DMXL2: variants seen among roughly 807,000 people sequenced by gnomAD.
The protein encoded by DMXL2 is Dmx like 2.
DMXL2 carries 103 observed loss-of-function variants against 331.1 expected under a neutral mutation model. That is an observed-to-expected ratio of 0.31 (90% confidence interval 0.27 to 0.37). The LOEUF (loss-of-function observed/expected upper bound fraction) is 0.37, where lower values mean the gene tolerates loss of function less well. Ranked by LOEUF, DMXL2 falls within the 10% of genes least tolerant of loss-of-function variation. The probability of loss-of-function intolerance (pLI) is 1.00; values close to 1 mark genes in which losing one functional copy is unlikely to be tolerated. For missense variants in DMXL2, 3,171 were observed against 3,642.9 expected (o/e 0.87, Z 3.33); for synonymous variants, 1,281 against 1,252.1 (o/e 1.02, Z -0.49).
chr15:51,455,396 CTTTT>C (rs1307936402), intron 39 of DMXL2, among the ~76,000 whole-genome samples, 168 bp from the exon 40 acceptor site: 1 of 151,540 alleles, frequency 6.6e-6, no homozygotes, highest in East Asian at 1.9e-4. Context: ...TTCCCTGTCA[CTTTT>C]TTTTTAAATT....
At chr15:51,465,353 C>A (rs1029705313) in intron 31 of DMXL2, among the ~76,000 whole-genome samples, 5 of 152,092 alleles carry the variant, frequency 3.3e-5, no homozygotes, top group Non-Finnish European at 7.4e-5. Context: ...TCTGATCACA[C>A]CACTGCACTA....
intron 13 of DMXL2, among the ~76,000 whole-genome samples, chr15:51,535,394 T>C (rs1210998900): frequency 2.0e-5 from 3 of 152,212 alleles, no homozygotes; most frequent in Non-Finnish European, 4.4e-5. Flanking sequence ...GAGTAAAATA[T>C]GTTACAAACA....
chr15:51,536,769 T>C lies in DMXL2; in HGVS notation c.1711A>G (p.Thr571Ala), dbSNP rs766127257. Residue 571 changes from threonine (T) to alanine (A), a missense_variant, in exon 12 of 44, where the codon ACA becomes GCA. Thr to Ala is a moderately conservative substitution (Grantham distance 58, BLOSUM62 0). Coordinates refer to ENST00000560891, the MANE Select transcript of DMXL2 (RefSeq NM_001378457.1). ...AACAGCGTGTGGTGAGAATCTTTTG[T>C]CGCATTTATACAGGCATACATCATG... ...NIMMYACINA[T>A]KDSHHTLLHQ... is the part of the protein sequence containing the mutation. The C allele has an allele frequency of 6.2e-7, 1 of 1,614,032 alleles. No individual in the cohort carries two copies. Among genetic ancestry groups the C allele is most frequent in the African/African-American group, 1.3e-5 (1 of 75,020 alleles).
In DMXL2 at chr15:51,593,823, A is replaced by C. The variant is rs530501933; in HGVS notation, c.88-17642T>G. ...CCTGCTCCTGAATGACTACTGGGTA[A>C]ATAACGAAATGAAGGCAGAAATAAA... is the stretch of plus-strand genomic sequence containing the variant. On this transcript the variant is annotated intron_variant, in intron 1 of 43. Coordinates refer to ENST00000560891, the MANE Select transcript of DMXL2 (RefSeq NM_001378457.1). 1.3e-3 allele frequency among the ~76,000 whole-genome samples: 198 copies of C among 152,326 alleles called. 1 individual carries two copies. The highest frequency in any genetic ancestry group is 6.8e-3 in the Middle Eastern group (2 of 292).
At chr15:51,514,724 A>G (rs1747875384) in intron 14 of DMXL2, among the ~76,000 whole-genome samples, 165 bp from the exon 15 acceptor site, 1 of 152,088 alleles carries the variant, frequency 6.6e-6, no homozygotes, top group Non-Finnish European at 1.5e-5. Flanking sequence ...AGAATCATTA[A>G]AACTATCCTG....
intron 8 of DMXL2, among the ~76,000 whole-genome samples, chr15:51,543,329 C>G (rs1011048124): frequency 6.6e-6 from 1 of 152,148 alleles, no homozygotes; most frequent in African/African-American, 2.4e-5. Flanking sequence ...AAAATGTTAT[C>G]AATTCTTTCT....
rs367615571 is a variant in DMXL2 at position 51,500,111 on chromosome 15, T to C, written c.3113A>G (p.Asn1038Ser). 1.8e-4 allele frequency: 295 copies of C among 1,614,076 alleles called. No individual in the cohort carries two copies. The highest frequency in any genetic ancestry group is 2.4e-4 in the Non-Finnish European group (285 of 1,180,012). ...KCCMEANPEC[N>S]KSDEKEIYHW... ...ATAAATTTCTTTCTCATCACTTTTA[T>C]TACACTCTGGGTTGGCTTCCATACA... Residue 1038 changes from asparagine (N) to serine (S), a missense_variant, in exon 18 of 44, where the codon AAT becomes AGT. Transcript: ENST00000560891.
intron 1 of DMXL2, among the ~76,000 whole-genome samples, chr15:51,612,023 CTT>C (rs2054005506): frequency 1.3e-5 from 2 of 152,198 alleles, no homozygotes; most frequent in Non-Finnish European, 2.9e-5. Flanking sequence ...TGCTACCACT[CTT>C]TCTTTGGGTC....
At chr15:51,462,728 A>G in intron 33 of DMXL2, among the ~76,000 whole-genome samples, 1 of 152,204 alleles carries the variant, frequency 6.6e-6, no homozygotes, top group Non-Finnish European at 1.5e-5. Flanking sequence ...CTAAATAGCC[A>G]AACAGACTGA....
At chr15:51,457,836 G>A (rs1266720416) in intron 36 of DMXL2, 2 of 178,470 alleles carry the variant, frequency 1.1e-5, no homozygotes, top group Non-Finnish European at 2.4e-5. Flanking sequence ...TATAAAATGT[G>A]AAAGTAATTG....
At chr15:51,496,740 T>C (rs941752925) in intron 18 of DMXL2, among the ~76,000 whole-genome samples, 7 of 152,202 alleles carry the variant, frequency 4.6e-5, no homozygotes, top group African/African-American at 1.7e-4. Flanking sequence ...TGGATATTAA[T>C]AGAACTGATA....
At position 51,536,150 on chromosome 15, in the gene DMXL2, T is replaced by TA; in HGVS notation, c.2314+15dup. The TA allele has an allele frequency of 6.6e-7, 1 of 1,525,922 alleles. No individual in the cohort carries two copies. The highest frequency in any genetic ancestry group is 8.8e-7 in the Non-Finnish European group (1 of 1,138,088). 94.5% of individuals were successfully genotyped at this position (1,525,922 alleles called of 1,614,324 possible). ...TAAAAGCTTGTGTTAATTTCACAAT[T>TA]ACAATGAACACTTACCTAGACAGTA... On this transcript the variant is annotated intron_variant, in intron 12 of 43. Transcript: ENST00000560891.
chr15:51,591,073 C>T (rs1023269253), intron 1 of DMXL2, among the ~76,000 whole-genome samples: 11 of 152,098 alleles, frequency 7.2e-5, no homozygotes, highest in Non-Finnish European at 1.0e-4. Flanking sequence ...TGGGGAGTGT[C>T]GGAAAGTGGA....
chr15:51,486,026 T>A, intron 23 of DMXL2, 47 bp downstream of exon 23: 1 of 1,513,534 alleles, frequency 6.6e-7, no homozygotes, highest in Non-Finnish European at 8.9e-7. Flanking sequence ...TCAGAAAGTA[T>A]CTCTTCCTTT....
At chr15:51,539,814 A>C (rs1471899549) in intron 9 of DMXL2, among the ~76,000 whole-genome samples, 1 of 152,128 alleles carries the variant, frequency 6.6e-6, no homozygotes, top group Non-Finnish European at 1.5e-5. Context: ...ATAAATCAAA[A>C]ACTTAATCTC....
intron 27 of DMXL2, 102 bp from the exon 28 acceptor site, chr15:51,474,694 T>C: frequency 8.0e-7 from 1 of 1,252,952 alleles, no homozygotes; most frequent in Non-Finnish European, 1.1e-6. Context: ...ATTTATATTT[T>C]ACAAAATATT....
chr15:51,448,990 A>T lies in DMXL2; in HGVS notation c.9171T>A (p.Ile3057=). The T allele has an allele frequency of 6.2e-7, 1 of 1,614,096 alleles. No individual in the cohort carries two copies. Among genetic ancestry groups the T allele is most frequent in the Non-Finnish European group, 8.5e-7 (1 of 1,180,002 alleles). ...AAAAATAAAACCCCAATCTTTATAG[A>T]ATGTCAAGAATTCTGTTAGGGATGT... ...AFNIPNRILD[I]L Residue 3057 remains isoleucine (I), a synonymous_variant, in exon 44 of 44, where the codon ATT becomes ATA. Coordinates refer to ENST00000560891, the MANE Select transcript of DMXL2 (RefSeq NM_001378457.1).
chr15:51,576,468 C>A (rs1440490158), intron 1 of DMXL2, among the ~76,000 whole-genome samples: 9 of 152,104 alleles, frequency 5.9e-5, no homozygotes, highest in Non-Finnish European at 1.3e-4. Flanking sequence ...ATAAGTCATT[C>A]TGTTTAGACT....
At chr15:51,456,483 TAAAGCCTGTTATG>T in intron 37 of DMXL2, 114 bp from the exon 38 acceptor site, 1 of 681,072 alleles carries the variant, frequency 1.5e-6, no homozygotes, top group Non-Finnish European at 2.4e-6. Flanking sequence ...ATTACTGAGA[TAAAGCCTGTTATG>T]GATGTTCTGA....
Sources: gnomAD v4.1 joint callset for allele counts (sites outside exome capture counted in the v4.1 genomes callset) on GRCh38, gnomAD v4.1.1 for gene constraint, MANE v1.5 for transcripts, NCBI Gene and HGNC (gene_info 2026-07-23, HGNC 2026-07-21) for gene names.